The following INPP5E variants were observed in gnomAD, a reference collection of about 807,000 sequenced individuals.
The protein encoded by INPP5E is phosphatidylinositol polyphosphate 5-phosphatase type IV.
INPP5E carries 34 observed loss-of-function variants against 50.5 expected under a neutral mutation model. The observed-to-expected ratio is 0.67, with a 90% confidence interval of 0.51 to 0.90. The LOEUF (loss-of-function observed/expected upper bound fraction) is 0.90. Among genes scored for constraint, INPP5E ranks in the 40% least tolerant of loss-of-function variants. The pLI is 0.00. For synonymous variants in INPP5E, 447 were observed against 406.0 expected, an observed-to-expected ratio of 1.10 and a Z score of -1.21; for missense variants, 942 against 905.5, an observed-to-expected ratio of 1.04 and a Z score of -0.52.
At position 136,430,485 on chromosome 9, in the gene INPP5E, CCTG is replaced by C. The variant is rs1170949213; in HGVS notation, c.1666-75_1666-73del. 5 of 1,529,910 alleles carry C rather than the reference CCTG, an allele frequency of 3.3e-6. No individual in the cohort carries two copies. The African/African-American group carries it at 4.1e-5, about 13-fold the overall frequency. 94.8% of individuals were successfully genotyped at this position (1,529,910 alleles called of 1,614,324 possible). On this transcript the variant is annotated intron_variant, in intron 8 of 9. Transcript: ENST00000371712. ...CCGTGGGGCGTGGCCCGCTCACCTC[CCTG>C]CTGTTCTCAAGCGCCCCCCACAAGG...
rs1775495563 is a variant in INPP5E at position 136,439,420 on chromosome 9, G to C, written c.-1C>G. On this transcript the variant is annotated 5_prime_UTR_variant, in exon 1 of 10. Transcript: ENST00000371712. The stretch of plus-strand genomic sequence containing the variant: ...GCAGATTCTCCGCCTTGGACGGCAT[G>C]GACGGTCTCTCCCGGGGCAGGCCTC... 1 of 1,465,248 alleles carries C rather than the reference G, an allele frequency of 6.8e-7. No homozygotes were observed. The highest frequency in any genetic ancestry group is 9.0e-7 in the Non-Finnish European group (1 of 1,114,248). 90.8% of individuals were successfully genotyped at this position (1,465,248 alleles called of 1,614,324 possible). A position where few individuals can be genotyped will look rare whatever the true frequency, so the allele number is the denominator to read the frequency against.
intron 4 of INPP5E, 36 bp downstream of exon 4, chr9:136,433,119 C>G: frequency 1.2e-6 from 2 of 1,611,132 alleles, no homozygotes; most frequent in Non-Finnish European, 1.7e-6. Flanking sequence ...GACGCTGCCA[C>G]CTTCCAGCCG....
Position 136,433,213 on chromosome 9 carries a change from G to A in INPP5E, c.1101C>T (p.Ala367=), listed in dbSNP as rs1372833435. 6.3e-7 allele frequency: 1 copy of A among 1,588,642 alleles called. No individual in the cohort carries two copies. ...GPHYVLLSSA[A]HGVLYMSLFI... ...AGAGCGACATGTAGAGCACGCCGTG[G>A]GCCGCCGAGGACAGCAGCACATAGT... Residue 367 remains alanine (A), a synonymous_variant, in exon 4 of 10, where the codon GCC becomes GCT. Coordinates refer to ENST00000371712, the MANE Select transcript of INPP5E (RefSeq NM_019892.6).
At chr9:136,432,214 T>C (rs947160548) in intron 6 of INPP5E, among the ~76,000 whole-genome samples, 1 of 152,030 alleles carries the variant, frequency 6.6e-6, no homozygotes, top group Non-Finnish European at 1.5e-5. Flanking sequence ...TCCCTGCTCC[T>C]CTCCACACAG....
At position 136,432,497 on chromosome 9, in the gene INPP5E, G is replaced by T. The variant is rs775772293; in HGVS notation, c.1369C>A (p.Pro457Thr). 1.0e-5 allele frequency: 16 copies of T among 1,550,340 alleles called. No individual in the cohort carries two copies. The highest frequency in any genetic ancestry group is 1.4e-5 in the African/African-American group (1 of 73,156). The stretch of plus-strand genomic sequence containing the variant: ...CCCTCACCTGCGCTGGAGCGATAGG[G>T]GTTGGTGTCGGGCACATTTCTGGGC... ...VLPRNVPDTN[P>T]YRSSAADVTT... The change falls in exon 6 of 10, where the codon CCC (proline) becomes ACC (threonine). Residue 457 changes from proline (P) to threonine (T), a missense_variant. By Grantham distance (38) the Pro-to-Thr change is conservative. Coordinates refer to ENST00000371712, the MANE Select transcript of INPP5E (RefSeq NM_019892.6).
chr9:136,430,138 C>G, intron 9 of INPP5E, 139 bp downstream of exon 9: 1 of 1,167,864 alleles, frequency 8.6e-7, no homozygotes, highest in Non-Finnish European at 1.2e-6. Context: ...TGAGTCCAAC[C>G]GATCCCGGGG....
rs1212975635 is a variant in INPP5E, at chr9:136,439,269, C to G, written c.151G>C (p.Ala51Pro). 1.4e-6 allele frequency: 2 copies of G among 1,476,530 alleles called. No homozygotes were observed. The highest frequency in any genetic ancestry group is 2.7e-5 in the South Asian group (2 of 74,824). The allele number at this position is 1,476,530 out of a possible 1,614,324, so 91.5% of individuals were successfully genotyped here. A position where few individuals can be genotyped will look rare whatever the true frequency, so the allele number is the denominator to read the frequency against. Residue 51 changes from alanine (A) to proline (P), a missense_variant, in exon 1 of 10, where the codon GCC (alanine) becomes CCC (proline). Ala to Pro is a conservative substitution (Grantham distance 27). Coordinates refer to ENST00000371712, the MANE Select transcript of INPP5E (RefSeq NM_019892.6). ...DAPGSESPAL[A>P]CSTPATPSGE... ...CTGGGCGTGGCCGGAGTGCTGCAGGCAAGCGCGGGGCTCTCGGAGCCCGGA... is the reference window on the plus strand; with the variant it reads ...CTGGGCGTGGCCGGAGTGCTGCAGGGAAGCGCGGGGCTCTCGGAGCCCGGA...
At chr9:136,430,959 T>C (rs1316604329) in intron 8 of INPP5E, 43 bp downstream of exon 8, 2 of 1,385,714 alleles carry the variant, frequency 1.4e-6, no homozygotes, top group South Asian at 2.3e-5. Flanking sequence ...GGGAGATGCC[T>C]GCCCTGGAAG....
intron 9 of INPP5E, among the ~76,000 whole-genome samples, 157 bp downstream of exon 9, chr9:136,430,120 C>T (rs1233934936): frequency 6.6e-6 from 1 of 152,218 alleles, no homozygotes; most frequent in Non-Finnish European, 1.5e-5. Flanking sequence ...CCTTCTCCTG[C>T]TCCAGGATGA....
At chr9:136,433,755 A>G (rs1460710022) in intron 3 of INPP5E, among the ~76,000 whole-genome samples, 1 of 152,212 alleles carries the variant, frequency 6.6e-6, no homozygotes, top group African/African-American at 2.4e-5. Flanking sequence ...CCACTGGAAA[A>G]AAATCTGACC....
chr9:136,430,956 G>T, intron 8 of INPP5E, 46 bp downstream of exon 8: 3 of 1,349,898 alleles, frequency 2.2e-6, no homozygotes, highest in Non-Finnish European at 2.1e-6. Context: ...TGTGGGAGAT[G>T]CCTGCCCTGG....
Position 136,432,473 on chromosome 9 carries a change from C to T in INPP5E, c.1387+6G>A. 6.5e-7 allele frequency: 1 copy of T among 1,541,492 alleles called. No homozygotes were observed. The highest frequency in any genetic ancestry group is 8.8e-7 in the Non-Finnish European group (1 of 1,138,996). ...CACCACCCACACGCAGCGTGGACGC[C>T]CTCACCTGCGCTGGAGCGATAGGGG... On this transcript the variant is annotated splice_donor_region_variant and intron_variant, in intron 6 of 9. Transcript: ENST00000371712.
At chr9:136,434,951 C>A in intron 1 of INPP5E, 88 bp from the exon 2 acceptor site, 1 of 1,496,554 alleles carries the variant, frequency 6.7e-7, no homozygotes, top group African/African-American at 1.4e-5. Context: ...ATAGCAAAAC[C>A]CATGGAATGT....
chr9:136,429,515 C>T lies in INPP5E; in HGVS notation c.*160G>A, dbSNP rs924944491. On this transcript the variant is annotated 3_prime_UTR_variant, in exon 10 of 10. Coordinates refer to ENST00000371712, the MANE Select transcript of INPP5E (RefSeq NM_019892.6). ...GTGTGGACCTGCCACAGAGGACAGG[C>T]TCGCTCAGGGTTGGCTTCCTTCCTG... 2.2e-5 allele frequency: 20 copies of T among 928,362 alleles called. No homozygotes were observed. Among genetic ancestry groups the T allele is most frequent in the Non-Finnish European group, 3.5e-5 (20 of 573,958 alleles). The allele number at this position is 928,362 out of a possible 1,614,324, so 57.5% of individuals were successfully genotyped here. A position where few individuals can be genotyped will look rare whatever the true frequency, so the allele number is the denominator to read the frequency against.
intron 3 of INPP5E, among the ~76,000 whole-genome samples, chr9:136,433,687 G>A (rs561532407): frequency 3.3e-5 from 5 of 152,322 alleles, no homozygotes; most frequent in East Asian, 1.9e-4. Context: ...TTCTACTCTC[G>A]CACGCCAACA....
At chr9:136,438,257 A>C in intron 1 of INPP5E, 1 of 330,076 alleles carries the variant, frequency 3.0e-6, no homozygotes, top group Non-Finnish European at 5.7e-6. Flanking sequence ...CCTGGGCGAC[A>C]GAGAGAGTAA....
Position 136,439,130 on chromosome 9 carries a change from C to T in INPP5E, c.290G>A (p.Arg97Gln). The stretch of plus-strand genomic sequence containing the variant: ...GGCTTCCAGGTCCTCCTGGCTGCCT[C>T]GAAAACGCCTCCTCCTCCAGCCCTT... The part of the protein sequence containing the change: ...DDKGWRRRRF[R>Q]GSQEDLEARN... The change falls in exon 1 of 10, where the codon CGA (arginine) becomes CAA (glutamine). Residue 97 changes from arginine to glutamine, a missense_variant. Physicochemically the swap from Arg to Gln is conservative, Grantham distance 43 (BLOSUM62 1). Coordinates refer to ENST00000371712, the MANE Select transcript of INPP5E (RefSeq NM_019892.6). The T allele has an allele frequency of 3.8e-6, 6 of 1,585,036 alleles. No homozygotes were observed. The highest frequency in any genetic ancestry group is 5.1e-6 in the Non-Finnish European group (6 of 1,169,190).
chr9:136,430,956 G>A (rs755521797), intron 8 of INPP5E, 46 bp downstream of exon 8: 9 of 1,349,900 alleles, frequency 6.7e-6, no homozygotes, highest in Non-Finnish European at 9.6e-6. Flanking sequence ...TGTGGGAGAT[G>A]CCTGCCCTGG....
intron 4 of INPP5E, 34 bp downstream of exon 4, chr9:136,433,121 T>TTCCAGCCGCGCCCACCAC: frequency 7.4e-7 from 1 of 1,357,470 alleles, no homozygotes; most frequent in African/African-American, 1.7e-5. Context: ...CGCTGCCACC[T>TTCCAGCCGCGCCCACCAC]TCCAGCCGCG....
Sources: allele counts gnomAD v4.1 joint callset (sites outside exome capture counted in the v4.1 genomes callset), GRCh38; gene constraint gnomAD v4.1.1; transcripts MANE v1.5; gene names NCBI Gene and HGNC (gene_info 2026-07-23, HGNC 2026-07-21).